NBAS: variants seen among roughly 807,000 people sequenced by gnomAD.
NBAS encodes the protein NAG/BC035112 fusion.
In NBAS, 219 loss-of-function variants were observed where a neutral mutation model predicts 302.5. The observed-to-expected ratio is 0.72, with a 90% CI of 0.65 to 0.81. The LOEUF (loss-of-function observed/expected upper bound fraction) is 0.81. Among genes scored for constraint, NBAS ranks in the 30% least tolerant of loss-of-function variants. The pLI is 0.00. For synonymous variants in NBAS, 1,118 were observed against 1,021.6 expected, an observed-to-expected ratio of 1.09 and a Z score of -1.80; for missense variants, 2,932 against 2,841.6, an observed-to-expected ratio of 1.03 and a Z score of -0.72.
the NBAS span, among the ~76,000 whole-genome samples, chr2:14,911,633 C>T: frequency 6.6e-6 from 1 of 152,140 alleles, no homozygotes; most frequent in Non-Finnish European, 1.5e-5. Flanking sequence ...AGATGTCACC[C>T]ACTTGTTGTC....
chr2:14,806,817 T>C, the NBAS span, among the ~76,000 whole-genome samples: 1 of 152,232 alleles, frequency 6.6e-6, no homozygotes, highest in Non-Finnish European at 1.5e-5. Flanking sequence ...CTCAGTTTTA[T>C]TTTTGTCCAT....
the NBAS span, among the ~76,000 whole-genome samples, chr2:15,112,183 A>G: frequency 6.6e-6 from 1 of 151,708 alleles, no homozygotes; most frequent in Non-Finnish European, 1.5e-5. Flanking sequence ...AAAATGATGT[A>G]AGAGATGAAA....
At chr2:14,984,555 TTAGAGG>T in the NBAS span, among the ~76,000 whole-genome samples, 1 of 152,168 alleles carries the variant, frequency 6.6e-6, no homozygotes, top group Non-Finnish European at 1.5e-5. Flanking sequence ...GTGAACTACT[TTAGAGG>T]TATAGAATGC....
At chr2:14,954,186 C>T in the NBAS span, among the ~76,000 whole-genome samples, 1 of 152,124 alleles carries the variant, frequency 6.6e-6, no homozygotes, top group Non-Finnish European at 1.5e-5. Context: ...AAAGTACAAA[C>T]AGAATGTTAA....
rs561826942 is a variant in NBAS, at chr2:15,278,227, C to A, written c.5139-1126G>T. Among the ~76,000 whole-genome samples the A allele has an allele frequency of 3.9e-5, 6 of 152,286 alleles. No homozygotes were observed. The East Asian group carries it at 9.7e-4, about 25-fold the overall frequency. On this transcript the variant is annotated intron_variant, in intron 42 of 51. Transcript: ENST00000281513. The stretch of plus-strand genomic sequence containing the variant: ...GGTTAAAAAGGGTAATCTACAAAGT[C>A]AAAGCATCAAGTAATTTTTAAAAAC...
chr2:15,262,476 T>C (rs551218062), intron 44 of NBAS, among the ~76,000 whole-genome samples: 1 of 152,360 alleles, frequency 6.6e-6, no homozygotes, highest in South Asian at 2.1e-4. Flanking sequence ...GCAGTGATTA[T>C]AGTTCCTCAT....
chr2:15,548,972 G>A lies in NBAS; in HGVS notation c.379+2521C>T, dbSNP rs561159513. Among the ~76,000 whole-genome samples, 25 of 152,154 alleles carry A rather than the reference G, an allele frequency of 1.6e-4. No individual in the cohort carries two copies. The South Asian group carries it at 4.6e-3, about 28-fold the overall frequency. ...GGCTGATTGCGAAAAGTCTTTTATC[G>A]TAAATTAGAAAAAATGAACTGTATT... On this transcript the variant is annotated intron_variant, in intron 6 of 51. Coordinates refer to ENST00000281513, the MANE Select transcript of NBAS (RefSeq NM_015909.4).
chr2:14,831,585 T>C, the NBAS span, among the ~76,000 whole-genome samples: 2 of 152,232 alleles, frequency 1.3e-5, no homozygotes, highest in Non-Finnish European at 2.9e-5. Flanking sequence ...ATATAAATGT[T>C]GGAATGCTCC....
intron 16 of NBAS, 60 bp downstream of exon 16, chr2:15,473,162 T>C: frequency 6.3e-7 from 1 of 1,580,988 alleles, no homozygotes; most frequent in Non-Finnish European, 8.7e-7. Context: ...TGAAGCCCTA[T>C]AAACAAAAGA....
intron 21 of NBAS, among the ~76,000 whole-genome samples, chr2:15,459,763 G>A (rs1030501407): frequency 2.4e-4 from 36 of 152,168 alleles, no homozygotes; most frequent in Non-Finnish European, 7.3e-5. Flanking sequence ...ACAGGCGTGA[G>A]CCACCGCACC....
In NBAS at chr2:15,299,606, A is replaced by G. The variant is rs185474850; in HGVS notation, c.4798-6840T>C. On this transcript the variant is annotated intron_variant, in intron 40 of 51. Transcript: ENST00000281513. ...AGTCTACCATAAAATTCTGAATGTC[A>G]TCCCCCGCTGAGTTTGCTTCCCTAG... Among the ~76,000 whole-genome samples, 394 of 152,340 alleles carry G rather than the reference A, an allele frequency of 2.6e-3. 1 individual carries two copies. The highest frequency in any genetic ancestry group is 8.8e-3 in the African/African-American group (366 of 41,576).
intron 47 of NBAS, among the ~76,000 whole-genome samples, chr2:15,224,509 G>A (rs990099232): frequency 1.3e-5 from 2 of 152,292 alleles, no homozygotes; most frequent in Admixed American, 6.5e-5. Context: ...AAAGTAAACT[G>A]GCAACCAGAT....
chr2:15,415,808 A>G (rs1034461541), intron 24 of NBAS, 89 bp from the exon 25 acceptor site: 25 of 1,379,714 alleles, frequency 1.8e-5, no homozygotes, highest in Non-Finnish European at 2.5e-5. Context: ...TAAAGCTTAC[A>G]GGTCCTCAGA....
chr2:15,504,310 G>GT, intron 10 of NBAS, 97 bp from the exon 11 acceptor site: 1 of 1,009,674 alleles, frequency 9.9e-7, no homozygotes, highest in Non-Finnish European at 1.5e-6. Context: ...AGCAAATCTA[G>GT]TATTTTTTTA....
chr2:14,794,012 A>G, the NBAS span, among the ~76,000 whole-genome samples: 1 of 152,222 alleles, frequency 6.6e-6, no homozygotes, highest in South Asian at 2.1e-4. Context: ...ATACACTAAA[A>G]GGACTTGTCA....
intron 42 of NBAS, among the ~76,000 whole-genome samples, chr2:15,279,202 A>T (rs185123627): frequency 2.6e-5 from 4 of 152,298 alleles, no homozygotes; most frequent in Admixed American, 6.5e-5. Flanking sequence ...AAAGAAAACA[A>T]ATTTGTATTT....
chr2:14,826,421 G>A, the NBAS span, among the ~76,000 whole-genome samples: 1 of 152,194 alleles, frequency 6.6e-6, no homozygotes, highest in African/African-American at 2.4e-5. Flanking sequence ...TATTTAATGG[G>A]ATGTGGTATG....
At chr2:15,236,677 TTA>T (rs1349837733) in intron 45 of NBAS, among the ~76,000 whole-genome samples, 1 of 151,800 alleles carries the variant, frequency 6.6e-6, no homozygotes, top group Non-Finnish European at 1.5e-5. Flanking sequence ...ACTTAAAAAT[TTA>T]TAAGTATAGA....
chr2:15,219,531 C>T (rs530370808), intron 47 of NBAS, among the ~76,000 whole-genome samples: 1 of 133,684 alleles, frequency 7.5e-6, no homozygotes, highest in Admixed American at 7.8e-5. Context: ...TGACTCTTAA[C>T]GAGCATGCTG....
Sources: gnomAD v4.1 joint callset for allele counts (sites outside exome capture counted in the v4.1 genomes callset) on GRCh38, gnomAD v4.1.1 for gene constraint, MANE v1.5 for transcripts, NCBI Gene and HGNC (gene_info 2026-07-23, HGNC 2026-07-21) for gene names.